Variants in NGLY1 observed in about 807,000 individuals in gnomAD.
The protein encoded by NGLY1 is N-glycanase 1.
NGLY1 carries 68 observed loss-of-function variants against 84.6 expected under a neutral mutation model. The observed-to-expected ratio is 0.80, with a 90% CI of 0.66 to 0.98. The LOEUF is 0.98. Ranked by LOEUF, NGLY1 falls within the 50% of genes least tolerant of loss-of-function variation. The pLI, the probability that NGLY1 is intolerant of heterozygous loss-of-function variation, is 0.00. For missense variants in NGLY1, 779 were observed against 770.2 expected (o/e 1.01, Z -0.14); for synonymous variants, 280 against 275.2 (o/e 1.02, Z -0.17).
Position 25,736,488 on chromosome 3 carries a change from T to C in NGLY1, c.1004-339A>G. 4.0e-6 allele frequency: 4 copies of C among 998,286 alleles called. No individual in the cohort carries two copies. The Admixed American group carries it at 9.4e-5, about 23-fold the overall frequency. 61.8% of individuals were successfully genotyped at this position (998,286 alleles called of 1,614,324 possible). On this transcript the variant is annotated intron_variant, in intron 6 of 11. Transcript: ENST00000280700. The stretch of plus-strand genomic sequence containing the variant: ...AAGGAGTTAATGCCACTTTTGAAAC[T>C]ACAGTCTCTCTCTCTGGACTTTAAG...
chr3:25,763,400 G>C (rs1707407241), intron 3 of NGLY1, among the ~76,000 whole-genome samples: 1 of 152,168 alleles, frequency 6.6e-6, no homozygotes, highest in African/African-American at 2.4e-5. Context: ...AACCAAGAAA[G>C]ATGTTAAGTG....
At chr3:25,725,735 G>A (rs939874724) in intron 10 of NGLY1, among the ~76,000 whole-genome samples, 6 of 151,774 alleles carry the variant, frequency 4.0e-5, no homozygotes, top group Non-Finnish European at 8.8e-5. Flanking sequence ...GTTGATTGTT[G>A]TAGAGAGAAC....
chr3:25,748,891 C>T (rs571265151), intron 4 of NGLY1, among the ~76,000 whole-genome samples: 4 of 151,370 alleles, frequency 2.6e-5, no homozygotes, highest in East Asian at 1.9e-4. Flanking sequence ...ACTGCAAATG[C>T]GTATTCAGGT....
At chr3:25,762,861 A>G (rs1707382145) in intron 3 of NGLY1, among the ~76,000 whole-genome samples, 1 of 152,126 alleles carries the variant, frequency 6.6e-6, no homozygotes, top group African/African-American at 2.4e-5. Flanking sequence ...GGCGCAGGCT[A>G]TAGAATCTCT....
chr3:25,789,128 TGTC>T (rs2125336921), intron 1 of NGLY1, among the ~76,000 whole-genome samples: 1 of 152,374 alleles, frequency 6.6e-6, no homozygotes, highest in East Asian at 1.9e-4. Flanking sequence ...AATACCATCT[TGTC>T]GACTTCTTGC....
In NGLY1 at chr3:25,737,528, TA is replaced by T. The variant is rs1705899730; in HGVS notation, c.882-74del. The T allele has an allele frequency of 4.2e-6, 5 of 1,198,444 alleles. No individual in the cohort carries two copies. The South Asian group carries it at 7.7e-5, about 18-fold the overall frequency. 74.2% of individuals were successfully genotyped at this position (1,198,444 alleles called of 1,614,324 possible). A position where few individuals can be genotyped will look rare whatever the true frequency, so the allele number is the denominator to read the frequency against. On this transcript the variant is annotated intron_variant, in intron 5 of 11. Transcript: ENST00000280700. ...AAGAGAATTTACATTACCTCTATGC[TA>T]AACAGAAATGTTTAATTTTTTTTTT... is the stretch of plus-strand genomic sequence containing the variant.
intron 9 of NGLY1, 95 bp downstream of exon 9, chr3:25,732,224 G>C: frequency 1.9e-6 from 2 of 1,051,280 alleles, no homozygotes; most frequent in South Asian, 2.4e-5. Context: ...TTAACTGAAA[G>C]GTCATAGTCA....
intron 6 of NGLY1, 182 bp from the exon 7 acceptor site, chr3:25,736,331 G>T (rs1479801153): frequency 1.3e-6 from 2 of 1,551,300 alleles, no homozygotes; most frequent in Non-Finnish European, 1.7e-6. Flanking sequence ...CTGTCTCTTT[G>T]AAATCCTTAA....
chr3:25,764,138 TGAAGATGGTGTTGTAG>T lies in NGLY1; in HGVS notation c.404_419del (p.Pro135GlnfsTer6). Reference sequence around the variant, plus strand: ...TGTGCTGGTTTAACCCACTGGGATTTGAAGATGGTGTTGTAGGAAGCTGGGTACTGGCTGCAGGTTG... The same window carrying T: ...TGTGCTGGTTTAACCCACTGGGATTTGAAGCTGGGTACTGGCTGCAGGTTG... On this transcript the variant is annotated frameshift_variant, in exon 3 of 12. Coordinates refer to ENST00000280700, the MANE Select transcript of NGLY1 (RefSeq NM_018297.4). LOFTEE classifies it high-confidence loss of function. 6.2e-7 allele frequency: 1 copy of T among 1,614,218 alleles called. No homozygotes were observed. The highest frequency in any genetic ancestry group is 8.5e-7 in the Non-Finnish European group (1 of 1,180,034).
At chr3:25,746,724 C>T (rs1024581406) in intron 4 of NGLY1, among the ~76,000 whole-genome samples, 6 of 152,212 alleles carry the variant, frequency 3.9e-5, no homozygotes, top group African/African-American at 1.4e-4. Context: ...TGAGCAATTT[C>T]CTGGTTGTTA....
At chr3:25,770,926 C>T (rs1023676070) in intron 2 of NGLY1, among the ~76,000 whole-genome samples, 2 of 151,928 alleles carry the variant, frequency 1.3e-5, no homozygotes, top group Admixed American at 6.6e-5. Context: ...TGTTTGAGTT[C>T]CTTCTAGATT....
At chr3:25,751,582 C>A (rs1205253429) in intron 3 of NGLY1, among the ~76,000 whole-genome samples, 1 of 152,200 alleles carries the variant, frequency 6.6e-6, no homozygotes, top group Non-Finnish European at 1.5e-5. Context: ...GCCCCTTCCA[C>A]TTTAAATCCC....
At chr3:25,770,356 C>G (rs1000155374) in intron 2 of NGLY1, among the ~76,000 whole-genome samples, 2 of 152,112 alleles carry the variant, frequency 1.3e-5, no homozygotes, top group Non-Finnish European at 2.9e-5. Context: ...ACCATGTTGT[C>G]CAGGGAGGTC....
chr3:25,752,710 A>C (rs998368572), intron 3 of NGLY1, among the ~76,000 whole-genome samples: 1 of 151,730 alleles, frequency 6.6e-6, no homozygotes, highest in Non-Finnish European at 1.5e-5. Flanking sequence ...GCTACTCAGG[A>C]GGCTAAGGTG....
chr3:25,736,305 A>G, intron 6 of NGLY1, 156 bp from the exon 7 acceptor site: 1 of 1,551,048 alleles, frequency 6.4e-7, no homozygotes, highest in Non-Finnish European at 8.7e-7. Flanking sequence ...GGATTTTAGA[A>G]TACCTGTATT....
chr3:25,762,695 G>A (rs1707373446), intron 3 of NGLY1, among the ~76,000 whole-genome samples: 1 of 152,130 alleles, frequency 6.6e-6, no homozygotes, highest in South Asian at 2.1e-4. Flanking sequence ...GTGCACATCT[G>A]TAATCCAGCA....
rs552664358 is a variant in NGLY1 at position 25,771,614 on chromosome 3, T to C, written c.246+6960A>G. Among the ~76,000 whole-genome samples the C allele has an allele frequency of 3.3e-5, 5 of 152,296 alleles. 1 individual carries two copies. The South Asian group carries it at 1.0e-3, about 32-fold the overall frequency. On this transcript the variant is annotated intron_variant, in intron 2 of 11. Coordinates refer to ENST00000280700, the MANE Select transcript of NGLY1 (RefSeq NM_018297.4). ...GAATTGCATTGAATTTGGAGATTGC[T>C]TTTGGTAGTATGGTCATTTTCACAA... is the stretch of plus-strand genomic sequence containing the variant.
At position 25,737,385 on chromosome 3, in the gene NGLY1, G is replaced by C. The variant is rs1199692488; in HGVS notation, c.952C>G (p.Leu318Val). The change falls in exon 6 of 12, where the codon CTG (leucine) becomes GTG (valine). Residue 318 changes from leucine (L) to valine (V), a missense_variant. By Grantham distance (32) the Leu-to-Val change is conservative (BLOSUM62 1). Coordinates refer to ENST00000280700, the MANE Select transcript of NGLY1 (RefSeq NM_018297.4). ...TCAAACCCTACAGCTCGGCAGCACA[G>C]TGTAAAACAATTGGCCCACTCGCCA... is the stretch of plus-strand genomic sequence containing the variant. ...RCGEWANCFT[L>V]CCRAVGFEAR... 1.2e-6 allele frequency: 2 copies of C among 1,613,834 alleles called. No homozygotes were observed. The highest frequency in any genetic ancestry group is 2.2e-5 in the South Asian group (2 of 91,068).
chr3:25,721,325 G>A (rs371011106), intron 10 of NGLY1, among the ~76,000 whole-genome samples: 1 of 152,136 alleles, frequency 6.6e-6, no homozygotes, highest in African/African-American at 2.4e-5. Context: ...TGAGATTGTA[G>A]GTGTGAGCTA....
Sources: gnomAD v4.1 joint callset for allele counts (sites outside exome capture counted in the v4.1 genomes callset) on GRCh38, gnomAD v4.1.1 for gene constraint, MANE v1.5 for transcripts, NCBI Gene and HGNC (gene_info 2026-07-23, HGNC 2026-07-21) for gene names.